The following PAX5 variants were observed in gnomAD, a reference collection of about 807,000 sequenced individuals.
PAX5 encodes paired box protein Pax-5.
A neutral mutation model predicts 43.7 loss-of-function variants in PAX5; 9 were observed. The ratio of observed to expected loss-of-function variants is 0.21; its 90% CI spans 0.12 to 0.36. The LOEUF (loss-of-function observed/expected upper bound fraction) is 0.36. Among genes scored for constraint, PAX5 ranks in the 10% least tolerant of loss-of-function variants. The probability of loss-of-function intolerance (pLI) is 1.00; values close to 1 mark genes in which losing one functional copy is unlikely to be tolerated. For synonymous variants in PAX5, 228 were observed against 214.3 expected, an observed-to-expected ratio of 1.06 and a Z score of -0.56; for missense variants, 383 against 532.7, an observed-to-expected ratio of 0.72 and a Z score of 2.77.
At chr9:37,025,551 C>T (rs1564090782) in intron 1 of PAX5, among the ~76,000 whole-genome samples, 2 of 152,236 alleles carry the variant, frequency 1.3e-5, no homozygotes, top group Admixed American at 6.5e-5. Context: ...TCACCTTCCT[C>T]CAGCCTGGCT....
At chr9:36,968,238 G>A (rs563339140) in intron 5 of PAX5, among the ~76,000 whole-genome samples, 2 of 152,320 alleles carry the variant, frequency 1.3e-5, no homozygotes, top group South Asian at 4.1e-4. Context: ...GCCCCCACCA[G>A]TGCACTGCTG....
intron 7 of PAX5, among the ~76,000 whole-genome samples, chr9:36,898,138 A>C (rs1439147575): frequency 1.3e-5 from 2 of 152,242 alleles, no homozygotes; most frequent in African/African-American, 2.4e-5. Flanking sequence ...GAGAATGAGA[A>C]AGAGGAACAA....
At chr9:36,911,171 T>C (rs1829248092) in intron 7 of PAX5, among the ~76,000 whole-genome samples, 2 of 152,166 alleles carry the variant, frequency 1.3e-5, no homozygotes, top group African/African-American at 4.8e-5. Flanking sequence ...ATTTATTCTG[T>C]GTTTACTGTA....
chr9:37,016,559 G>T (rs1191829653), intron 2 of PAX5, among the ~76,000 whole-genome samples: 1 of 152,088 alleles, frequency 6.6e-6, no homozygotes, highest in Non-Finnish European at 1.5e-5. Context: ...CATCATTTCA[G>T]GGGGGGATAA....
chr9:36,898,833 A>C (rs1828113399), intron 7 of PAX5, among the ~76,000 whole-genome samples: 1 of 151,984 alleles, frequency 6.6e-6, no homozygotes, highest in South Asian at 2.1e-4. Flanking sequence ...CCTGGCACCC[A>C]CTGGCCCAGC....
chr9:36,994,680 G>A (rs565454112), intron 5 of PAX5, among the ~76,000 whole-genome samples: 2 of 152,302 alleles, frequency 1.3e-5, no homozygotes, highest in South Asian at 4.1e-4. Context: ...CTTGAGCGGG[G>A]AGCGCATGAG....
chr9:37,020,855 A>T (rs1205697565), intron 1 of PAX5, 54 bp from the exon 2 acceptor site: 28 of 1,590,962 alleles, frequency 1.8e-5, no homozygotes, highest in Non-Finnish European at 2.4e-5. Context: ...AACCAGTCAC[A>T]TAGGAGAAGC....
At chr9:36,847,992 G>A (rs1822753294) in intron 8 of PAX5, among the ~76,000 whole-genome samples, 1 of 152,196 alleles carries the variant, frequency 6.6e-6, no homozygotes, top group Non-Finnish European at 1.5e-5. Context: ...TTCAGTAGAG[G>A]CCCTGGAACA....
rs1564047486 is a variant in PAX5, at chr9:36,988,685, A to AAG, written c.604+13961_604+13962dup. On this transcript the variant is annotated intron_variant, in intron 5 of 9. Coordinates refer to ENST00000358127, the MANE Select transcript of PAX5 (RefSeq NM_016734.3). ...CTCAAAAAAAAAAAAAAAAAAAAAAAAGAGAGAGAGAGAGAGAAAACAAAA... is the reference window on the plus strand; with the variant it reads ...CTCAAAAAAAAAAAAAAAAAAAAAAAAGAGAGAGAGAGAGAGAGAAAACAAAA... Among the ~76,000 whole-genome samples, 41 of 34,276 alleles carry AAG rather than the reference A, an allele frequency of 1.2e-3. 1 individual carries two copies. Among genetic ancestry groups the AAG allele is most frequent in the African/African-American group, 3.0e-3 (41 of 13,506 alleles). 22.5% of individuals were successfully genotyped at this position (34,276 alleles called of 152,430 possible).
intron 6 of PAX5, among the ~76,000 whole-genome samples, chr9:36,965,957 A>G (rs1564018414): frequency 6.6e-6 from 1 of 152,196 alleles, no homozygotes; most frequent in African/African-American, 2.4e-5. Flanking sequence ...GGTATAGCAG[A>G]CAGCCGGTCA....
At chr9:37,021,081 G>T (rs1051077946) in intron 1 of PAX5, among the ~76,000 whole-genome samples, 4 of 152,188 alleles carry the variant, frequency 2.6e-5, no homozygotes, top group African/African-American at 9.7e-5. Flanking sequence ...TCTAAACAAT[G>T]AAATGTGTGA....
chr9:36,991,026 T>C (rs940901782), intron 5 of PAX5, among the ~76,000 whole-genome samples: 3 of 151,666 alleles, frequency 2.0e-5, no homozygotes, highest in Non-Finnish European at 4.4e-5. Context: ...GGAGGATGGC[T>C]TGAGCCCAGG....
At chr9:37,023,565 T>C (rs1435530899) in intron 1 of PAX5, among the ~76,000 whole-genome samples, 2 of 152,094 alleles carry the variant, frequency 1.3e-5, no homozygotes, top group African/African-American at 4.8e-5. Context: ...AGAGAAAGAC[T>C]GAATTGCAGA....
chr9:36,976,019 C>T (rs1835396661), intron 5 of PAX5, among the ~76,000 whole-genome samples: 1 of 152,074 alleles, frequency 6.6e-6, no homozygotes, highest in Non-Finnish European at 1.5e-5. Flanking sequence ...CTAGGACAGT[C>T]GCTGGTATCA....
chr9:36,908,959 C>A (rs1178738489), intron 7 of PAX5, among the ~76,000 whole-genome samples: 1 of 152,148 alleles, frequency 6.6e-6, no homozygotes, highest in Non-Finnish European at 1.5e-5. Flanking sequence ...ACAAATATTT[C>A]TTGGGAACAT....
intron 6 of PAX5, among the ~76,000 whole-genome samples, chr9:36,965,712 G>T (rs1369304469): frequency 6.6e-6 from 1 of 152,232 alleles, no homozygotes; most frequent in African/African-American, 2.4e-5. Flanking sequence ...GAGGAAAGTT[G>T]TTGTCTGTAG....
intron 8 of PAX5, among the ~76,000 whole-genome samples, chr9:36,878,785 G>A (rs1005849913): frequency 3.9e-5 from 6 of 152,214 alleles, no homozygotes; most frequent in Non-Finnish European, 8.8e-5. Context: ...AATTTTGTTG[G>A]AAACAAGAGT....
chr9:36,869,191 G>T (rs1444780426), intron 8 of PAX5, among the ~76,000 whole-genome samples: 1 of 152,186 alleles, frequency 6.6e-6, no homozygotes, highest in African/African-American at 2.4e-5. Flanking sequence ...AGGGGCTGCA[G>T]ATCCCAGCAA....
At chr9:36,964,865 A>G (rs1588099007) in intron 6 of PAX5, among the ~76,000 whole-genome samples, 2 of 152,142 alleles carry the variant, frequency 1.3e-5, no homozygotes, top group Admixed American at 1.3e-4. Flanking sequence ...CAGAGGTGTC[A>G]CTCGACTTGT....
Sources: gnomAD v4.1 joint callset for allele counts (sites outside exome capture counted in the v4.1 genomes callset) on GRCh38, gnomAD v4.1.1 for gene constraint, MANE v1.5 for transcripts, NCBI Gene and HGNC (gene_info 2026-07-23, HGNC 2026-07-21) for gene names.